The following UBE4B variants were observed in gnomAD, a reference collection of about 807,000 sequenced individuals.
UBE4B encodes ubiquitination factor E4B, also known as ubiquitin conjugation factor E4 B.
UBE4B carries 27 observed loss-of-function variants against 148.1 expected under a neutral mutation model. The observed-to-expected ratio is 0.18, with a 90% CI of 0.13 to 0.25. The LOEUF (loss-of-function observed/expected upper bound fraction) is 0.25. UBE4B is among the 10% of genes least tolerant of loss of function. The pLI is 1.00. For synonymous variants in UBE4B, 596 were observed against 619.3 expected, an observed-to-expected ratio of 0.96 and a Z score of 0.56; for missense variants, 1,170 against 1,662.4, an observed-to-expected ratio of 0.70 and a Z score of 5.15.
intron 1 of UBE4B, among the ~76,000 whole-genome samples, chr1:10,055,490 A>AT (rs1553136595): frequency 3.3e-5 from 5 of 151,844 alleles, no homozygotes; most frequent in African/African-American, 7.3e-5. Context: ...AATTTAAAAA[A>AT]TTTTTTTTGT....
At chr1:10,046,600 G>A (rs1008005586) in intron 1 of UBE4B, among the ~76,000 whole-genome samples, 45 of 152,106 alleles carry the variant, frequency 3.0e-4, no homozygotes, top group African/African-American at 9.9e-4. Flanking sequence ...CGCCTTTCTG[G>A]CAACCTTGAT....
Position 10,088,912 on chromosome 1 carries a change from C to A in UBE4B, c.212-6549C>A, listed in dbSNP as rs527855003. Reference sequence around the variant, plus strand: ...CAGGTTGGTCTTAACCTCCTGGGCTCAAGCGATCCTCCCACCTCAACCTCT... The same window carrying A: ...CAGGTTGGTCTTAACCTCCTGGGCTAAAGCGATCCTCCCACCTCAACCTCT... On this transcript the variant is annotated intron_variant, in intron 2 of 27. Transcript: ENST00000343090. Among the ~76,000 whole-genome samples the A allele has an allele frequency of 2.6e-5, 4 of 152,278 alleles. No individual in the cohort carries two copies. The South Asian group carries it at 6.2e-4, about 24-fold the overall frequency.
rs758423694 is a variant in UBE4B at position 10,106,373 on chromosome 1, G to A, written c.986G>A (p.Arg329Gln). Residue 329 changes from arginine to glutamine, a missense_variant, in exon 7 of 28, where the codon CGG (arginine) becomes CAG (glutamine). Physicochemically the swap from Arg to Gln is conservative, Grantham distance 43. Coordinates refer to ENST00000343090, the MANE Select transcript of UBE4B (RefSeq NM_001105562.3). The surrounding 1 kb of genome is among the most constrained non-coding windows in gnomAD (Gnocchi z 4.2). ...TAAGSQPSSP[R>Q]YRPYTVTHPW... Reference sequence around the variant, plus strand: ...GCGGGAAGCCAGCCTTCATCCCCGCGGTATCGCCCCTACACTGTCACTCAC... The same window carrying A: ...GCGGGAAGCCAGCCTTCATCCCCGCAGTATCGCCCCTACACTGTCACTCAC... 5 of 1,613,678 alleles carry A rather than the reference G, an allele frequency of 3.1e-6. No homozygotes were observed. The highest frequency in any genetic ancestry group is 3.3e-5 in the Admixed American group (2 of 59,996).
intron 10 of UBE4B, among the ~76,000 whole-genome samples, chr1:10,125,104 C>T (rs370744387): frequency 4.0e-5 from 6 of 151,782 alleles, no homozygotes; most frequent in Non-Finnish European, 8.8e-5. Flanking sequence ...CCAGCCTGTG[C>T]GACAGAGTGA....
chr1:10,044,273 T>G (rs1643872371), intron 1 of UBE4B, among the ~76,000 whole-genome samples: 1 of 152,084 alleles, frequency 6.6e-6, no homozygotes, highest in South Asian at 2.1e-4. Context: ...CAGGCTGATC[T>G]TGAACTCCTG....
intron 1 of UBE4B, among the ~76,000 whole-genome samples, chr1:10,056,200 C>T (rs1287838846): frequency 1.3e-5 from 2 of 152,142 alleles, no homozygotes; most frequent in Admixed American, 1.3e-4. Flanking sequence ...TTTTTGGTTT[C>T]TCTTGCTCCT....
intron 1 of UBE4B, among the ~76,000 whole-genome samples, chr1:10,040,919 C>A (rs188990604): frequency 2.0e-5 from 3 of 152,308 alleles, no homozygotes; most frequent in African/African-American, 7.2e-5. Flanking sequence ...CGCACCCAGC[C>A]TAACATCCCC....
intron 3 of UBE4B, among the ~76,000 whole-genome samples, chr1:10,097,038 C>CAA (rs1175237804): frequency 2.4e-3 from 342 of 141,080 alleles, no homozygotes; most frequent in Middle Eastern, 3.6e-3. Context: ...GACTCTGCAT[C>CAA]AAAAAAAAAA....
At chr1:10,071,876 C>T in intron 1 of UBE4B, 152 bp from the exon 2 acceptor site, 1 of 752,198 alleles carries the variant, frequency 1.3e-6, no homozygotes, top group East Asian at 3.3e-5. Flanking sequence ...TGTAGGAATA[C>T]TGGTAGAGCG....
At chr1:10,178,589 G>A (rs960582072) in intron 25 of UBE4B, 55 bp from the exon 26 acceptor site, 14 of 1,504,654 alleles carry the variant, frequency 9.3e-6, no homozygotes, top group African/African-American at 1.4e-5. Context: ...TCTGCAGCTC[G>A]CTTTTTTCCA....
At chr1:10,149,059 A>T in intron 19 of UBE4B, 125 bp from the exon 20 acceptor site, 2 of 615,342 alleles carry the variant, frequency 3.3e-6, no homozygotes, top group Non-Finnish European at 2.7e-6. Context: ...CATATTTATT[A>T]CATAGTATTA....
At chr1:10,146,777 C>T (rs181351852) in intron 18 of UBE4B, among the ~76,000 whole-genome samples, 186 bp from the exon 19 acceptor site, 8 of 152,174 alleles carry the variant, frequency 5.3e-5, no homozygotes, top group Non-Finnish European at 8.8e-5. Flanking sequence ...TTGCTTGCCA[C>T]GCCTTTGTTT....
At chr1:10,171,917 AAAAGT>A (rs879446670) in intron 25 of UBE4B, among the ~76,000 whole-genome samples, 1 of 152,164 alleles carries the variant, frequency 6.6e-6, no homozygotes, top group Non-Finnish European at 1.5e-5. Context: ...AGTAAAAAAC[AAAAGT>A]AAAGAGCAGG....
intron 7 of UBE4B, 132 bp from the exon 8 acceptor site, chr1:10,117,327 T>A (rs1052257382): frequency 1.0e-5 from 12 of 1,143,856 alleles, no homozygotes; most frequent in Admixed American, 2.8e-5. Context: ...TCAGGGTGGA[T>A]CTTGGCCGCA....
At chr1:10,072,307 T>C in intron 2 of UBE4B, 93 bp downstream of exon 2, 1 of 1,419,034 alleles carries the variant, frequency 7.0e-7, no homozygotes, top group South Asian at 1.3e-5. Context: ...CAGATTAAAA[T>C]GAAGCAGACA....
chr1:10,070,276 GAAA>G (rs60259277), intron 1 of UBE4B, among the ~76,000 whole-genome samples: 1 of 131,258 alleles, frequency 7.6e-6, no homozygotes, highest in Non-Finnish European at 1.7e-5. Context: ...CTCCGTCTCA[GAAA>G]AAAAAAAAAA....
Position 10,168,319 on chromosome 1 carries a change from G to T in UBE4B, c.3333+49G>T. The T allele has an allele frequency of 6.2e-7, 1 of 1,600,720 alleles. No individual in the cohort carries two copies. The highest frequency in any genetic ancestry group is 1.1e-5 in the South Asian group (1 of 89,266). On this transcript the variant is annotated intron_variant, in intron 24 of 27. Coordinates refer to ENST00000343090, the MANE Select transcript of UBE4B (RefSeq NM_001105562.3). The surrounding 1 kb of genome is among the most constrained non-coding windows in gnomAD (Gnocchi z 4.9). ...TTTGGTGGTTTGGACTCCACATTCA[G>T]ACTCTCTCACTTATAACTTTAGCAG...
In UBE4B at chr1:10,103,043, C is replaced by T. The variant is rs1279267396; in HGVS notation, c.531C>T (p.Val177=). 6.2e-7 allele frequency: 1 copy of T among 1,613,134 alleles called. No individual in the cohort carries two copies. The highest frequency in any genetic ancestry group is 1.1e-5 in the South Asian group (1 of 91,012). Residue 177 remains valine, a synonymous_variant, in exon 5 of 28, where the codon GTC becomes GTT. Transcript: ENST00000343090. Reference sequence around the variant, plus strand: ...CTTGGAAGGACCGGGACAGAGATGTCATCTTTCTTTCTTCTCTTTCTGCAC... The same window carrying T: ...CTTGGAAGGACCGGGACAGAGATGTTATCTTTCTTTCTTCTCTTTCTGCAC... The part of the protein sequence containing the change: ...RVSWKDRDRD[V]IFLSSLSAQF...
At chr1:10,052,971 GC>G (rs995399261) in intron 1 of UBE4B, among the ~76,000 whole-genome samples, 2 of 152,074 alleles carry the variant, frequency 1.3e-5, no homozygotes, top group African/African-American at 4.8e-5. Flanking sequence ...GAGCAAAGGA[GC>G]CCCCTGGGCT....
Sources: allele counts gnomAD v4.1 joint callset (sites outside exome capture counted in the v4.1 genomes callset), GRCh38; gene constraint gnomAD v4.1.1; non-coding constraint Gnocchi (gnomAD v3.1); transcripts MANE v1.5; gene names NCBI Gene and HGNC (gene_info 2026-07-23, HGNC 2026-07-21).